Variants in FAM53B observed in about 807,000 individuals in gnomAD.
FAM53B encodes protein FAM53B.
A neutral mutation model predicts 32.7 loss-of-function variants in FAM53B; 12 were observed. The observed-to-expected ratio is 0.37, with a 90% CI of 0.24 to 0.59. The LOEUF is 0.59. Among genes scored for constraint, FAM53B ranks in the 20% least tolerant of loss-of-function variants. FAM53B has a pLI of 0.72. For missense variants in FAM53B, 477 were observed against 577.7 expected, an observed-to-expected ratio of 0.83 and a Z score of 1.79; for synonymous variants, 234 against 228.7, an observed-to-expected ratio of 1.02 and a Z score of -0.21.
intron 2 of FAM53B, among the ~76,000 whole-genome samples, chr10:124,702,781 A>G (rs1175439535): frequency 1.3e-5 from 2 of 152,188 alleles, no homozygotes; most frequent in Non-Finnish European, 2.9e-5. Context: ...GTTGAAATGT[A>G]ACCCCCAATG....
chr10:124,679,465 A>G (rs922755991), intron 4 of FAM53B, among the ~76,000 whole-genome samples: 1 of 152,212 alleles, frequency 6.6e-6, no homozygotes, highest in Non-Finnish European at 1.5e-5. Flanking sequence ...AGGGCCCCAC[A>G]GAAAAGCAAG....
chr10:124,720,162 TAA>T (rs1351549210), intron 1 of FAM53B, among the ~76,000 whole-genome samples: 24 of 95,908 alleles, frequency 2.5e-4, no homozygotes, highest in Admixed American at 3.2e-4. Flanking sequence ...AGACTTCATC[TAA>T]AAAAAAAAAA....
At chr10:124,661,168 T>C (rs1949629266) in intron 4 of FAM53B, among the ~76,000 whole-genome samples, 1 of 151,216 alleles carries the variant, frequency 6.6e-6, no homozygotes, top group African/African-American at 2.4e-5. Flanking sequence ...GACATGGCCA[T>C]AACTGGAGTC....
chr10:124,710,140 C>T (rs1315479125), intron 1 of FAM53B, among the ~76,000 whole-genome samples: 2 of 152,226 alleles, frequency 1.3e-5, no homozygotes, highest in Non-Finnish European at 2.9e-5. Context: ...GAGGGCACAG[C>T]AGCAGGATGG....
At chr10:124,722,008 G>T (rs1037399701) in intron 1 of FAM53B, among the ~76,000 whole-genome samples, 2 of 152,218 alleles carry the variant, frequency 1.3e-5, no homozygotes, top group African/African-American at 2.4e-5. Context: ...GTAAAAAGCA[G>T]AACAGAGGAG....
intron 2 of FAM53B, among the ~76,000 whole-genome samples, chr10:124,699,401 G>C (rs574851928): frequency 6.6e-6 from 1 of 152,228 alleles, no homozygotes; most frequent in Non-Finnish European, 1.5e-5. Flanking sequence ...CCTCAGTGGG[G>C]AAGGGCTGAG....
At chr10:124,667,846 G>A (rs972649698) in intron 4 of FAM53B, among the ~76,000 whole-genome samples, 1 of 152,224 alleles carries the variant, frequency 6.6e-6, no homozygotes, top group African/African-American at 2.4e-5. Context: ...AGCCTCTCCA[G>A]GGGGTACTGC....
intron 4 of FAM53B, 21 bp downstream of exon 4, chr10:124,681,586 C>T (rs567222601): frequency 1.1e-5 from 17 of 1,553,862 alleles, no homozygotes; most frequent in Non-Finnish European, 1.3e-5. Flanking sequence ...CAAGGTGACT[C>T]CAGGCTGCTG....
chr10:124,666,672 G>A (rs905584550), intron 4 of FAM53B, among the ~76,000 whole-genome samples: 2 of 152,314 alleles, frequency 1.3e-5, no homozygotes, highest in South Asian at 2.1e-4. Context: ...CCGGCCACAC[G>A]CCAGGAACAG....
At chr10:124,677,438 G>T (rs561813999) in intron 4 of FAM53B, among the ~76,000 whole-genome samples, 4 of 152,252 alleles carry the variant, frequency 2.6e-5, no homozygotes, top group Admixed American at 2.6e-4. Context: ...CCACGGGGCC[G>T]GGCTTGCGCA....
intron 4 of FAM53B, among the ~76,000 whole-genome samples, chr10:124,675,617 C>T (rs879785115): frequency 5.3e-5 from 8 of 152,248 alleles, no homozygotes; most frequent in Admixed American, 2.6e-4. Context: ...GGGCACACAG[C>T]TCAAAAGTGG....
chr10:124,683,170 C>A (rs1317824863), intron 3 of FAM53B, among the ~76,000 whole-genome samples: 2 of 152,180 alleles, frequency 1.3e-5, no homozygotes, highest in African/African-American at 2.4e-5. Context: ...AATAACCAAC[C>A]CTGCTATGAA....
chr10:124,711,746 T>G (rs1026435355), intron 1 of FAM53B, among the ~76,000 whole-genome samples: 3 of 152,196 alleles, frequency 2.0e-5, no homozygotes, highest in African/African-American at 7.2e-5. Flanking sequence ...CGACTTCAGT[T>G]TCCTCATCTT....
chr10:124,656,803 C>G (rs1589740018), intron 4 of FAM53B, among the ~76,000 whole-genome samples: 1 of 151,784 alleles, frequency 6.6e-6, no homozygotes, highest in Non-Finnish European at 1.5e-5. Flanking sequence ...TAATTCAATT[C>G]TATGTTGCAC....
intron 4 of FAM53B, among the ~76,000 whole-genome samples, chr10:124,668,565 C>A (rs1379863873): frequency 6.6e-6 from 1 of 152,278 alleles, no homozygotes; most frequent in Non-Finnish European, 1.5e-5. Context: ...CCAGGCAGGA[C>A]CTGTCCTTCC....
At chr10:124,644,403 A>C (rs1192879390) in intron 4 of FAM53B, among the ~76,000 whole-genome samples, 3 of 152,162 alleles carry the variant, frequency 2.0e-5, no homozygotes, top group Non-Finnish European at 4.4e-5. Flanking sequence ...TAGAACCCCC[A>C]GAGACAGGGC....
intron 1 of FAM53B, among the ~76,000 whole-genome samples, chr10:124,721,321 C>G (rs1339506018): frequency 1.3e-5 from 2 of 152,258 alleles, no homozygotes; most frequent in Non-Finnish European, 2.9e-5. Context: ...TTACTCGCTT[C>G]AATTATTAAT....
In FAM53B at chr10:124,709,493, C is replaced by T. The variant is rs1296345252; in HGVS notation, c.-174-2606G>A. On this transcript the variant is annotated intron_variant, in intron 1 of 4. Transcript: ENST00000337318. ...TGGAAAGGAGAAGGCAGGTGTAGCA[C>T]AATCCCTGCCCTGGGGGGTCTCACA... Among the ~76,000 whole-genome samples the T allele has an allele frequency of 3.3e-5, 5 of 152,312 alleles. No individual in the cohort carries two copies. In the East Asian group the frequency reaches 9.6e-4, roughly 29 times the overall value.
chr10:124,626,399 C>CCA (rs1949355124), intron 4 of FAM53B, among the ~76,000 whole-genome samples: 2 of 147,228 alleles, frequency 1.4e-5, no homozygotes, highest in Admixed American at 6.7e-5. Flanking sequence ...CCCCCCCCCC[C>CCA]CCCACCATTC....
Sources: allele counts gnomAD v4.1 joint callset (sites outside exome capture counted in the v4.1 genomes callset), GRCh38; gene constraint gnomAD v4.1.1; transcripts MANE v1.5; gene names NCBI Gene and HGNC (gene_info 2026-07-23, HGNC 2026-07-21).